PHF24: variants seen among roughly 807,000 people sequenced by gnomAD.
PHF24 encodes PHD finger protein 24, also known as Galpha inhibitory interacting protein.
A neutral mutation model predicts 42.6 loss-of-function variants in PHF24; 25 were observed. That is an observed-to-expected ratio of 0.59 (90% CI 0.43 to 0.82). PHF24 has a LOEUF of 0.82. PHF24 is among the 40% of genes least tolerant of loss of function. The pLI, the probability that PHF24 is intolerant of heterozygous loss-of-function variation, is 0.00. For missense variants in PHF24, 470 were observed against 538.1 expected (o/e 0.87, Z 1.25); for synonymous variants, 185 against 204.8 (o/e 0.90, Z 0.83).
At chr9:34,972,644 G>T in intron 3 of PHF24, 113 bp downstream of exon 3, 2 of 989,778 alleles carry the variant, frequency 2.0e-6, no homozygotes, top group Non-Finnish European at 1.4e-6. Flanking sequence ...GGCTGGGCGC[G>T]GTGGCTCATG....
chr9:34,726,937 A>G, the PHF24 span: 2 of 1,551,592 alleles, frequency 1.3e-6, no homozygotes, highest in Non-Finnish European at 1.7e-6. Context: ...GGCAGCAGGG[A>G]TCTGCACACA....
At chr9:34,763,821 A>G in the PHF24 span, among the ~76,000 whole-genome samples, 1 of 152,154 alleles carries the variant, frequency 6.6e-6, no homozygotes. Flanking sequence ...TCAGTATGAT[A>G]TTGGCTGTGG....
the PHF24 span, among the ~76,000 whole-genome samples, chr9:34,875,946 A>ACT: frequency 1.0e-4 from 9 of 89,082 alleles, no homozygotes; most frequent in African/African-American, 4.5e-4. Context: ...ACACACACAC[A>ACT]CACACTCTCT....
chr9:34,821,495 A>C, the PHF24 span, among the ~76,000 whole-genome samples: 40 of 152,162 alleles, frequency 2.6e-4, no homozygotes, highest in Admixed American at 2.1e-3. Flanking sequence ...GGAAAGCAGA[A>C]GTGAGGTAGC....
chr9:34,830,167 C>T, the PHF24 span, among the ~76,000 whole-genome samples: 2 of 152,196 alleles, frequency 1.3e-5, no homozygotes, highest in African/African-American at 4.8e-5. Context: ...CATTTTTCCC[C>T]ACATTCCATT....
chr9:34,907,188 G>A, the PHF24 span, among the ~76,000 whole-genome samples: 1 of 152,118 alleles, frequency 6.6e-6, no homozygotes, highest in Non-Finnish European at 1.5e-5. Flanking sequence ...CTTTATCTGT[G>A]TAGGACAACC....
the PHF24 span, among the ~76,000 whole-genome samples, chr9:34,859,346 C>A: frequency 6.6e-6 from 1 of 152,122 alleles, no homozygotes; most frequent in Non-Finnish European, 1.5e-5. Flanking sequence ...TTGCTCTGTT[C>A]CTTTCAGTTT....
chr9:34,927,030 C>T, the PHF24 span, among the ~76,000 whole-genome samples: 1 of 152,136 alleles, frequency 6.6e-6, no homozygotes, highest in African/African-American at 2.4e-5. Flanking sequence ...TTTCTCCGGT[C>T]CTGAGCATGG....
At chr9:34,931,375 CAAAAAA>C in the PHF24 span, among the ~76,000 whole-genome samples, 1 of 82,926 alleles carries the variant, frequency 1.2e-5, no homozygotes, top group African/African-American at 5.2e-5. Context: ...GACTCTGTAT[CAAAAAA>C]AAAAAAAAAA....
At chr9:34,935,735 T>TGGG in the PHF24 span, among the ~76,000 whole-genome samples, 1 of 120,986 alleles carries the variant, frequency 8.3e-6, no homozygotes, top group African/African-American at 2.9e-5. Context: ...TATTTGTGTG[T>TGGG]GGGGGGGGGG....
chr9:34,676,798 A>G, the PHF24 span, among the ~76,000 whole-genome samples: 1 of 152,194 alleles, frequency 6.6e-6, no homozygotes, highest in East Asian at 1.9e-4. Flanking sequence ...GGCATCTCAT[A>G]TGGCAGGGGA....
chr9:34,728,151 A>G, the PHF24 span: 1 of 1,410,674 alleles, frequency 7.1e-7, no homozygotes, highest in Non-Finnish European at 9.7e-7. Context: ...GAAGCTGAAT[A>G]GTAAGGCCTT....
At chr9:34,974,899 C>T (rs1298955324) in intron 3 of PHF24, among the ~76,000 whole-genome samples, 3 of 152,176 alleles carry the variant, frequency 2.0e-5, no homozygotes, top group Non-Finnish European at 4.4e-5. Flanking sequence ...TCAATCTCTC[C>T]CTCATGCCTC....
chr9:34,765,818 T>G, the PHF24 span, among the ~76,000 whole-genome samples: 2 of 152,172 alleles, frequency 1.3e-5, no homozygotes, highest in Non-Finnish European at 2.9e-5. Context: ...CAATTTGGCA[T>G]GATTTTGCAG....
the PHF24 span, among the ~76,000 whole-genome samples, chr9:34,805,551 A>G: frequency 5.9e-5 from 9 of 152,112 alleles, no homozygotes; most frequent in African/African-American, 2.2e-4. Flanking sequence ...TTTAAAATCT[A>G]GTTATTTATC....
At chr9:34,898,187 C>A in the PHF24 span, among the ~76,000 whole-genome samples, 1 of 152,138 alleles carries the variant, frequency 6.6e-6, no homozygotes, top group Admixed American at 6.6e-5. Context: ...CAGGTAGATA[C>A]CCAGTAGTGG....
At chr9:34,910,710 T>C in the PHF24 span, among the ~76,000 whole-genome samples, 1 of 152,184 alleles carries the variant, frequency 6.6e-6, no homozygotes, top group Non-Finnish European at 1.5e-5. Context: ...TAAAAAGAAA[T>C]AGATTTAAAG....
At chr9:34,670,826 A>G in the PHF24 span, among the ~76,000 whole-genome samples, 2 of 152,110 alleles carry the variant, frequency 1.3e-5, no homozygotes, top group Non-Finnish European at 2.9e-5. Context: ...GAGGAGTGGG[A>G]AAGATGGGAC....
the PHF24 span, chr9:34,709,740 G>T: frequency 8.7e-7 from 1 of 1,149,690 alleles, no homozygotes; most frequent in Non-Finnish European, 1.3e-6. Flanking sequence ...TCCCCACCCC[G>T]TCACCAGCCA....
Sources: gnomAD v4.1 joint callset for allele counts (sites outside exome capture counted in the v4.1 genomes callset) on GRCh38, gnomAD v4.1.1 for gene constraint, MANE v1.5 for transcripts, NCBI Gene and HGNC (gene_info 2026-07-23, HGNC 2026-07-21) for gene names.